Variants in FBXW7 observed in about 807,000 individuals in gnomAD.
FBXW7 encodes F-box and WD repeat domain containing 7.
In FBXW7, 11 loss-of-function variants were observed where a neutral mutation model predicts 86.3. The observed-to-expected ratio is 0.13, with a 90% CI of 0.08 to 0.21. The LOEUF is 0.21. Among genes scored for constraint, FBXW7 ranks in the 10% least tolerant of loss-of-function variants. The pLI, the probability that FBXW7 is intolerant of heterozygous loss-of-function variation, is 1.00. For synonymous variants in FBXW7, 313 were observed against 297.9 expected (o/e 1.05, Z -0.52); for missense variants, 488 against 847.4 (o/e 0.58, Z 5.27).
intron 4 of FBXW7, among the ~76,000 whole-genome samples, chr4:152,359,489 G>C (rs1184508901): frequency 6.6e-6 from 1 of 152,062 alleles, no homozygotes; most frequent in Non-Finnish European, 1.5e-5. Context: ...TGTAGCCCTA[G>C]CTACTTGAGA....
Position 152,535,431 on chromosome 4 carries a change from G to A in FBXW7, c.-517C>T, listed in dbSNP as rs979914926. 6 of 389,570 alleles carry A rather than the reference G, an allele frequency of 1.5e-5. No individual in the cohort carries two copies. The highest frequency in any genetic ancestry group is 6.2e-5 in the African/African-American group (3 of 48,154). The allele number at this position is 389,570 out of a possible 1,614,324, so 24.1% of individuals were successfully genotyped here. On this transcript the variant is annotated 5_prime_UTR_variant, in exon 1 of 14. Coordinates refer to ENST00000281708, the MANE Select transcript of FBXW7 (RefSeq NM_001349798.2). ...AGGGGGAAGGTGAGGAAAGGACGGC[G>A]GCGTCGGTCCTGTTCTCTCCGCCGC...
At chr4:152,485,586 G>A (rs1296614408) in intron 2 of FBXW7, among the ~76,000 whole-genome samples, 2 of 152,162 alleles carry the variant, frequency 1.3e-5, no homozygotes, top group African/African-American at 4.8e-5. Flanking sequence ...GTTTTTAAAA[G>A]TATATTTTCT....
intron 2 of FBXW7, among the ~76,000 whole-genome samples, chr4:152,414,879 C>A (rs1444288487): frequency 6.6e-6 from 1 of 152,064 alleles, no homozygotes; most frequent in Admixed American, 6.6e-5. Flanking sequence ...AGAGAAAGCA[C>A]AGCTACTCCA....
intron 4 of FBXW7, among the ~76,000 whole-genome samples, chr4:152,381,266 T>C (rs1735041640): frequency 6.6e-6 from 1 of 152,078 alleles, no homozygotes; most frequent in African/African-American, 2.4e-5. Flanking sequence ...ATTATTCTAT[T>C]TAATAGAATA....
At chr4:152,340,697 G>C (rs894193387) in intron 6 of FBXW7, among the ~76,000 whole-genome samples, 1 of 151,448 alleles carries the variant, frequency 6.6e-6, no homozygotes, top group Admixed American at 6.6e-5. Flanking sequence ...ACATCTCTTT[G>C]GTGATTCTAA....
chr4:152,399,622 A>G (rs531322603), intron 4 of FBXW7, among the ~76,000 whole-genome samples: 1 of 152,324 alleles, frequency 6.6e-6, no homozygotes, highest in African/African-American at 2.4e-5. Context: ...AAGATATAAG[A>G]TTAATATATA....
intron 2 of FBXW7, among the ~76,000 whole-genome samples, chr4:152,435,345 G>A (rs1339211026): frequency 6.6e-6 from 1 of 151,894 alleles, no homozygotes; most frequent in Admixed American, 6.6e-5. Context: ...TTGTATAACG[G>A]CCCTTAATTT....
At chr4:152,423,892 A>G (rs1739154750) in intron 2 of FBXW7, among the ~76,000 whole-genome samples, 1 of 151,954 alleles carries the variant, frequency 6.6e-6, no homozygotes, top group Non-Finnish European at 1.5e-5. Flanking sequence ...AGAATGTTCT[A>G]TTTTTTTATT....
At chr4:152,500,986 A>G (rs1746890390) in intron 2 of FBXW7, among the ~76,000 whole-genome samples, 1 of 152,206 alleles carries the variant, frequency 6.6e-6, no homozygotes, top group African/African-American at 2.4e-5. Context: ...CAAATTTAAG[A>G]GCAATTGAAT....
chr4:152,388,439 C>A (rs1179670214), intron 4 of FBXW7, among the ~76,000 whole-genome samples: 3 of 151,746 alleles, frequency 2.0e-5, no homozygotes, highest in Non-Finnish European at 4.4e-5. Context: ...AATAAAAATG[C>A]CAGAATACTA....
At chr4:152,479,433 TG>T (rs1166383779) in intron 2 of FBXW7, among the ~76,000 whole-genome samples, 1 of 152,138 alleles carries the variant, frequency 6.6e-6, no homozygotes, top group Non-Finnish European at 1.5e-5. Context: ...AACATTTGCC[TG>T]TTAAATCTCT....
chr4:152,420,773 A>G (rs558655107), intron 2 of FBXW7, among the ~76,000 whole-genome samples: 18 of 152,206 alleles, frequency 1.2e-4, no homozygotes, highest in African/African-American at 3.4e-4. Context: ...TGGGCTTAAC[A>G]TATCTAGCAA....
intron 2 of FBXW7, among the ~76,000 whole-genome samples, chr4:152,507,156 G>A (rs2149708764): frequency 6.6e-6 from 1 of 152,242 alleles, no homozygotes; most frequent in Non-Finnish European, 1.5e-5. Flanking sequence ...AATATTTATA[G>A]ACACTGAAAA....
chr4:152,337,708 A>G (rs2126580738), intron 7 of FBXW7, 94 bp downstream of exon 7: 1 of 1,307,616 alleles, frequency 7.6e-7, no homozygotes, highest in Non-Finnish European at 1.1e-6. Context: ...ACAATACCGA[A>G]TACCATAATT....
At chr4:152,385,271 C>A (rs140920980) in intron 4 of FBXW7, among the ~76,000 whole-genome samples, 3 of 151,916 alleles carry the variant, frequency 2.0e-5, no homozygotes, top group Non-Finnish European at 4.4e-5. Context: ...ATATATTCTA[C>A]GAGTTTAACA....
intron 4 of FBXW7, among the ~76,000 whole-genome samples, chr4:152,399,617 A>G (rs1167940682): frequency 1.3e-5 from 2 of 152,230 alleles, no homozygotes; most frequent in Admixed American, 1.3e-4. Context: ...GTTGCAAGAT[A>G]TAAGATTAAT....
At chr4:152,373,600 A>G (rs1166354417) in intron 4 of FBXW7, among the ~76,000 whole-genome samples, 1 of 151,988 alleles carries the variant, frequency 6.6e-6, no homozygotes, top group Non-Finnish European at 1.5e-5. Flanking sequence ...AAGCAATGAT[A>G]CAAGTTCCCT....
intron 2 of FBXW7, among the ~76,000 whole-genome samples, chr4:152,429,019 G>A (rs563309430): frequency 1.1e-4 from 16 of 152,120 alleles, no homozygotes; most frequent in African/African-American, 2.2e-4. Context: ...GAGAAACTCC[G>A]TCTCTACTAA....
At chr4:152,527,463 C>T (rs1224954190) in intron 2 of FBXW7, among the ~76,000 whole-genome samples, 11 of 152,108 alleles carry the variant, frequency 7.2e-5, no homozygotes, top group Non-Finnish European at 1.5e-5. Flanking sequence ...TCCTAAAAGG[C>T]TGTTAAAAAA....
Sources: gnomAD v4.1 joint callset for allele counts (sites outside exome capture counted in the v4.1 genomes callset) on GRCh38, gnomAD v4.1.1 for gene constraint, MANE v1.5 for transcripts, NCBI Gene and HGNC (gene_info 2026-07-23, HGNC 2026-07-21) for gene names.